The following ABCB11 variants were observed in gnomAD, a reference collection of about 807,000 sequenced individuals.
The protein encoded by ABCB11 is bile salt export pump.
ABCB11 carries 95 observed loss-of-function variants against 148.0 expected under a neutral mutation model. The ratio of observed to expected loss-of-function variants is 0.64; its 90% confidence interval spans 0.54 to 0.76. The LOEUF (loss-of-function observed/expected upper bound fraction) is 0.76. Ranked by LOEUF, ABCB11 falls within the 30% of genes least tolerant of loss-of-function variation. The probability of loss-of-function intolerance (pLI) is 0.00; values close to 1 mark genes in which losing one functional copy is unlikely to be tolerated. For missense variants in ABCB11, 1,523 were observed against 1,617.8 expected (o/e 0.94, Z 1.01); for synonymous variants, 591 against 555.4 (o/e 1.06, Z -0.90).
chr2:168,948,373 A>G (rs1692421185), intron 19 of ABCB11, among the ~76,000 whole-genome samples: 1 of 151,742 alleles, frequency 6.6e-6, no homozygotes. Context: ...TCTCCCTACT[A>G]GAATGTCAGC....
chr2:168,998,625 T>C (rs73020770), intron 5 of ABCB11, among the ~76,000 whole-genome samples: 3,622 of 152,138 alleles, frequency 0.024, 68 homozygotes, highest in African/African-American at 0.041. Context: ...TCCTGTGGTG[T>C]CTTTATTCTA....
At chr2:168,941,396 A>G (rs1441143145) in intron 21 of ABCB11, among the ~76,000 whole-genome samples, 1 of 151,974 alleles carries the variant, frequency 6.6e-6, no homozygotes, top group Non-Finnish European at 1.5e-5. Flanking sequence ...GTTGATTCCA[A>G]CCCTCACAGA....
Position 168,927,375 on chromosome 2 carries a change from G to A in ABCB11, c.3412-13C>T, listed in dbSNP as rs753065852. The A allele has an allele frequency of 8.7e-6, 14 of 1,603,054 alleles. No individual in the cohort carries two copies. Among genetic ancestry groups the A allele is most frequent in the Non-Finnish European group, 1.2e-5 (14 of 1,170,672 alleles). On this transcript the variant is annotated splice_polypyrimidine_tract_variant and intron_variant, in intron 25 of 27. Transcript: ENST00000650372. ...GACCATCTATCATCTGCCAATAGAGGAGATGACAGGTCATTAGGTTTTTAG... is the reference window on the plus strand; with the variant it reads ...GACCATCTATCATCTGCCAATAGAGAAGATGACAGGTCATTAGGTTTTTAG...
At chr2:168,991,597 G>A (rs903683533) in intron 8 of ABCB11, among the ~76,000 whole-genome samples, 5 of 151,916 alleles carry the variant, frequency 3.3e-5, no homozygotes, top group African/African-American at 7.3e-5. Context: ...CACATATTGC[G>A]GAAGATCAAC....
intron 1 of ABCB11, among the ~76,000 whole-genome samples, chr2:169,018,651 AG>A (rs1695438280): frequency 6.6e-6 from 1 of 152,202 alleles, no homozygotes; most frequent in Non-Finnish European, 1.5e-5. Context: ...AAGGAACAGA[AG>A]GAAGACATTT....
At chr2:168,949,561 C>T (rs925418481) in intron 19 of ABCB11, among the ~76,000 whole-genome samples, 16 of 151,740 alleles carry the variant, frequency 1.1e-4, no homozygotes, top group African/African-American at 3.6e-4. Flanking sequence ...AGTAGTATTC[C>T]ATGGTATATC....
At chr2:168,976,489 G>T (rs913653024) in intron 12 of ABCB11, 88 bp downstream of exon 12, 11 of 726,924 alleles carry the variant, frequency 1.5e-5, no homozygotes, top group Middle Eastern at 2.6e-4. Context: ...ACAGAGTCAG[G>T]CTTCAGAAAA....
chr2:168,979,835 T>A, intron 11 of ABCB11, 31 bp downstream of exon 11: 11 of 1,062,286 alleles, frequency 1.0e-5, no homozygotes, highest in Non-Finnish European at 1.3e-5. Context: ...CCCCCACCTG[T>A]TAATGGCCTT....
rs1422934606 is a variant in ABCB11, at chr2:168,921,239, A to G, written c.*2383T>C. Among the ~76,000 whole-genome samples, 1 of 152,214 alleles carries G rather than the reference A, an allele frequency of 6.6e-6. No individual in the cohort carries two copies. The highest frequency in any genetic ancestry group is 1.5e-5 in the Non-Finnish European group (1 of 68,040). ...CTGGCCTGACCAGTTAACTTGCTAA[A>G]CCATCTTTGCTGTTATATACCAGGA... On this transcript the variant is annotated 3_prime_UTR_variant, in exon 28 of 28. Transcript: ENST00000650372.
At chr2:169,009,992 CA>C (rs1196743035) in intron 5 of ABCB11, among the ~76,000 whole-genome samples, 1 of 152,092 alleles carries the variant, frequency 6.6e-6, no homozygotes, top group Non-Finnish European at 1.5e-5. Context: ...TAGATTTCTG[CA>C]TTGATTTATC....
intron 3 of ABCB11, among the ~76,000 whole-genome samples, chr2:169,015,989 A>AT (rs1695345540): frequency 6.6e-6 from 1 of 152,136 alleles, no homozygotes. Flanking sequence ...GATTGCTCCC[A>AT]TTCTTCTCAG....
chr2:168,956,089 A>G (rs1050197024), intron 19 of ABCB11, among the ~76,000 whole-genome samples: 4 of 151,742 alleles, frequency 2.6e-5, no homozygotes, highest in African/African-American at 9.7e-5. Flanking sequence ...ACTTACAATC[A>G]TGGCAGAAGG....
At position 168,995,585 on chromosome 2, in the gene ABCB11, G is replaced by A. The variant is rs541596254; in HGVS notation, c.478-103C>T. 755 of 1,254,298 alleles carry A rather than the reference G, an allele frequency of 6.0e-4. 1 individual carries two copies. Among genetic ancestry groups the A allele is most frequent in the Non-Finnish European group, 7.6e-4 (693 of 911,944 alleles). 77.7% of individuals were successfully genotyped at this position (1,254,298 alleles called of 1,614,324 possible). ...TTCAATACAACAGTTGAGAAAAGGG[G>A]GAAAGTAATTCAGAAAATGCCTCTT... On this transcript the variant is annotated intron_variant, in intron 6 of 27. Coordinates refer to ENST00000650372, the MANE Select transcript of ABCB11 (RefSeq NM_003742.4).
chr2:168,929,630 G>A (rs1249523683), intron 25 of ABCB11, among the ~76,000 whole-genome samples: 1 of 152,156 alleles, frequency 6.6e-6, no homozygotes, highest in Admixed American at 6.5e-5. Flanking sequence ...GGTAAAAGAA[G>A]TAAGAGGTGA....
At chr2:168,986,638 T>C (rs1346357291) in intron 9 of ABCB11, among the ~76,000 whole-genome samples, 1 of 152,050 alleles carries the variant, frequency 6.6e-6, no homozygotes, top group Non-Finnish European at 1.5e-5. Flanking sequence ...GACATGTCCT[T>C]ATCAGAAAAT....
chr2:169,030,540 C>G (rs2106083266), intron 1 of ABCB11, among the ~76,000 whole-genome samples: 1 of 152,308 alleles, frequency 6.6e-6, no homozygotes, highest in East Asian at 1.9e-4. Flanking sequence ...GCTATTCCCC[C>G]TCAAAATGTT....
intron 3 of ABCB11, among the ~76,000 whole-genome samples, chr2:169,015,374 C>A (rs972507323): frequency 1.3e-5 from 2 of 152,110 alleles, no homozygotes; most frequent in African/African-American, 2.4e-5. Context: ...CCTTCTGGCC[C>A]AGAAAAGAAT....
chr2:168,933,799 T>C (rs887881762), intron 23 of ABCB11, among the ~76,000 whole-genome samples: 2 of 152,136 alleles, frequency 1.3e-5, no homozygotes, highest in Admixed American at 6.6e-5. Context: ...GGCTGGAGTG[T>C]AGTGGCATGA....
At position 168,924,197 on chromosome 2, in the gene ABCB11, C is replaced by T. The variant is rs746135236; in HGVS notation, c.3766-375G>A. Among the ~76,000 whole-genome samples the T allele has an allele frequency of 5.3e-5, 8 of 152,160 alleles. No homozygotes were observed. The East Asian group carries it at 9.6e-4, about 18-fold the overall frequency. ...TTTAGCTCTCTCCAAAATGGAATCC[C>T]GATTGTTATGGCATTAATTATACAT... On this transcript the variant is annotated intron_variant, in intron 27 of 27. Transcript: ENST00000650372.
Sources: allele counts gnomAD v4.1 joint callset (sites outside exome capture counted in the v4.1 genomes callset), GRCh38; gene constraint gnomAD v4.1.1; transcripts MANE v1.5; gene names NCBI Gene and HGNC (gene_info 2026-07-23, HGNC 2026-07-21).